ABAT: variants seen among roughly 807,000 people sequenced by gnomAD.
ABAT encodes 4-aminobutyrate aminotransferase.
ABAT carries 45 observed loss-of-function variants against 64.6 expected under a neutral mutation model. The ratio of observed to expected loss-of-function variants is 0.70; its 90% CI spans 0.55 to 0.89. The LOEUF (loss-of-function observed/expected upper bound fraction) is 0.89. Among genes scored for constraint, ABAT ranks in the 40% least tolerant of loss-of-function variants. The pLI is 0.00. For synonymous variants in ABAT, 297 were observed against 250.5 expected (o/e 1.19, Z -1.75); for missense variants, 633 against 658.4 (o/e 0.96, Z 0.42).
chr16:8,737,891 G>A (rs562361348), intron 2 of ABAT, among the ~76,000 whole-genome samples: 1 of 135,880 alleles, frequency 7.4e-6, no homozygotes, highest in South Asian at 2.5e-4. Context: ...TTGAGCCACT[G>A]TACTTCAGCC....
intron 15 of ABAT, chr16:8,780,749 C>T (rs549600474): frequency 1.1e-4 from 21 of 192,994 alleles, no homozygotes; most frequent in Non-Finnish European, 6.1e-5. Flanking sequence ...GGTGACAGCG[C>T]GAGACTCCAT....
At chr16:8,675,146 C>T (rs919459395) in intron 1 of ABAT, among the ~76,000 whole-genome samples, 1 of 151,938 alleles carries the variant, frequency 6.6e-6, no homozygotes, top group Non-Finnish European at 1.5e-5. Flanking sequence ...GTGACCTCCC[C>T]CTCCATGACA....
At chr16:8,769,051 A>G in intron 11 of ABAT, 78 bp downstream of exon 11, 1 of 1,594,058 alleles carries the variant, frequency 6.3e-7, no homozygotes, top group South Asian at 1.1e-5. Flanking sequence ...GGGAGAAGAG[A>G]AACAGATGAA....
At chr16:8,691,401 TG>T (rs1322937916) in intron 1 of ABAT, among the ~76,000 whole-genome samples, 3 of 151,978 alleles carry the variant, frequency 2.0e-5, no homozygotes, top group African/African-American at 7.2e-5. Flanking sequence ...CCACATTTCC[TG>T]GAGAGCAGGG....
intron 2 of ABAT, among the ~76,000 whole-genome samples, chr16:8,742,581 A>T (rs892671741): frequency 6.6e-6 from 1 of 152,080 alleles, no homozygotes; most frequent in Non-Finnish European, 1.5e-5. Flanking sequence ...GTAAAAAACT[A>T]GGGCCGGGTA....
intron 5 of ABAT, among the ~76,000 whole-genome samples, chr16:8,753,034 G>A (rs930220217): frequency 1.1e-4 from 16 of 152,042 alleles, no homozygotes; most frequent in Non-Finnish European, 2.4e-4. Flanking sequence ...GGCATACACA[G>A]GGAGTCCAAG....
rs866104725 is a variant in ABAT at position 8,686,374 on chromosome 16, C to G, written c.-42+11663C>G. On this transcript the variant is annotated intron_variant, in intron 1 of 15. Coordinates refer to ENST00000268251, the MANE Select transcript of ABAT (RefSeq NM_020686.6). ...CCACACACAGAAGAGTGTGGACATT[C>G]TGACCTGGGGACAGGTTCCAGGAGG... is the stretch of plus-strand genomic sequence containing the variant. Among the ~76,000 whole-genome samples the G allele has an allele frequency of 2.7e-4, 41 of 152,342 alleles. No homozygotes were observed. In the Middle Eastern group the frequency reaches 0.024, roughly 88 times the overall value.
intron 5 of ABAT, among the ~76,000 whole-genome samples, chr16:8,753,796 C>G (rs2142778127): frequency 6.6e-6 from 1 of 152,276 alleles, no homozygotes; most frequent in African/African-American, 2.4e-5. Flanking sequence ...CTTGGTCCCC[C>G]TCCAAGGCTG....
At chr16:8,762,115 CAGCCT>C (rs903676195) in intron 6 of ABAT, among the ~76,000 whole-genome samples, 39 of 152,314 alleles carry the variant, frequency 2.6e-4, no homozygotes, top group African/African-American at 9.1e-4. Flanking sequence ...CCTCCCACCT[CAGCCT>C]CCTAAGTGAC....
At chr16:8,775,465 CA>C (rs907507007) in intron 13 of ABAT, among the ~76,000 whole-genome samples, 59 of 152,132 alleles carry the variant, frequency 3.9e-4, no homozygotes, top group African/African-American at 1.3e-3. Context: ...AGTAATTTGT[CA>C]AAGGTCACAC....
rs149361316 is a variant in ABAT at position 8,774,576 on chromosome 16, C to T, written c.955-314C>T. Among the ~76,000 whole-genome samples the T allele has an allele frequency of 3.2e-3, 484 of 152,118 alleles. 1 individual carries two copies. The highest frequency in any genetic ancestry group is 9.5e-3 in the African/African-American group (394 of 41,504). On this transcript the variant is annotated intron_variant, in intron 12 of 15. Transcript: ENST00000268251. ...TGGACACAGCTCCCTCTGACGAGGT[C>T]GAGACCCGAGACTGAAGCCAGATGA...
chr16:8,699,811 T>G (rs1263594524), intron 1 of ABAT, among the ~76,000 whole-genome samples: 2 of 146,514 alleles, frequency 1.4e-5, no homozygotes, highest in Non-Finnish European at 3.0e-5. Flanking sequence ...TCTCTTCTCT[T>G]CTCTCTCTTT....
intron 1 of ABAT, among the ~76,000 whole-genome samples, chr16:8,694,738 G>A (rs2057663417): frequency 6.6e-6 from 1 of 152,140 alleles, no homozygotes; most frequent in African/African-American, 2.4e-5. Flanking sequence ...GCTGAAAAAA[G>A]CGGCTCAAAT....
intron 1 of ABAT, among the ~76,000 whole-genome samples, chr16:8,727,239 C>G (rs954641497): frequency 6.6e-6 from 1 of 152,138 alleles, no homozygotes; most frequent in African/African-American, 2.4e-5. Flanking sequence ...GAGAGGGTCT[C>G]CAGAGGGCCC....
At chr16:8,763,678 A>G (rs1318713393) in intron 6 of ABAT, among the ~76,000 whole-genome samples, 1 of 152,244 alleles carries the variant, frequency 6.6e-6, no homozygotes, top group African/African-American at 2.4e-5. Context: ...TGCAGGGATT[A>G]CAGGCGTGAG....
At chr16:8,737,251 G>T (rs140244088) in intron 2 of ABAT, 11 of 152,278 alleles carry the variant, frequency 7.2e-5, no homozygotes, top group African/African-American at 2.6e-4. Context: ...GGCGAGGTGG[G>T]CAGATCACCT....
chr16:8,733,127 A>AC (rs1202977957), intron 1 of ABAT, among the ~76,000 whole-genome samples: 1,871 of 85,266 alleles, frequency 0.022, 79 homozygotes, highest in Admixed American at 0.041. Context: ...CGGGGGGCTG[A>AC]CCCCCCCCCA....
intron 1 of ABAT, among the ~76,000 whole-genome samples, chr16:8,706,230 TA>T (rs1310580141): frequency 5.1e-5 from 7 of 137,052 alleles, no homozygotes; most frequent in Non-Finnish European, 8.1e-5. Flanking sequence ...TCTGTCTCTA[TA>T]AAAAAAAATA....
rs777126176 is a variant in ABAT at position 8,764,751 on chromosome 16, G to A, written c.461G>A (p.Gly154Glu). ...RQSLLSVAPK[G>E]MSQLITMACG... ...CCCTCCCCACAGGTGGCTCCCAAAG[G>A]GATGTCCCAGCTCATCACCATGGCC... Residue 154 changes from glycine (G) to glutamate (E), a missense_variant, in exon 8 of 16, where the codon GGG (glycine) becomes GAG (glutamate). Coordinates refer to ENST00000268251, the MANE Select transcript of ABAT (RefSeq NM_020686.6). This position sits in a 1 kb window ranked among gnomAD's most constrained non-coding sequence, Gnocchi z 4.2. 1 of 1,614,080 alleles carries A rather than the reference G, an allele frequency of 6.2e-7. No individual in the cohort carries two copies. The highest frequency in any genetic ancestry group is 1.7e-5 in the Admixed American group (1 of 60,020).
Sources: gnomAD v4.1 joint callset for allele counts (sites outside exome capture counted in the v4.1 genomes callset) on GRCh38, gnomAD v4.1.1 for gene constraint, Gnocchi (gnomAD v3.1) non-coding constraint, MANE v1.5 for transcripts, NCBI Gene and HGNC (gene_info 2026-07-23, HGNC 2026-07-21) for gene names.